DOCK3: variants seen among roughly 807,000 people sequenced by gnomAD.
The protein encoded by DOCK3 is dedicator of cytokinesis protein 3.
Under a neutral mutation model 265.6 loss-of-function variants are expected in DOCK3, and 60 were observed. The observed-to-expected ratio is 0.23, with a 90% CI of 0.18 to 0.28. DOCK3 has a LOEUF of 0.28. DOCK3 is among the 10% of genes least tolerant of loss of function. The pLI is 1.00. For synonymous variants in DOCK3, 881 were observed against 938.0 expected (o/e 0.94, Z 1.11); for missense variants, 1,981 against 2,594.3 (o/e 0.76, Z 5.14).
chr3:51,140,989 C>T (rs1416059808), intron 9 of DOCK3, among the ~76,000 whole-genome samples: 1 of 151,700 alleles, frequency 6.6e-6, no homozygotes, highest in East Asian at 1.9e-4. Context: ...GGTACAAGTC[C>T]CTTATCTGTA....
chr3:51,378,102 T>A (rs1293732499), intron 51 of DOCK3, among the ~76,000 whole-genome samples: 2 of 152,146 alleles, frequency 1.3e-5, no homozygotes, highest in African/African-American at 4.8e-5. Context: ...TTTGGTGAAA[T>A]CCACCTGATG....
At chr3:50,937,489 C>A (rs900997702) in intron 5 of DOCK3, among the ~76,000 whole-genome samples, 9 of 151,896 alleles carry the variant, frequency 5.9e-5, no homozygotes, top group Non-Finnish European at 1.3e-4. Context: ...CCTGTCTCTA[C>A]TAAAAATACA....
chr3:51,310,714 A>G (rs2083022080), intron 28 of DOCK3, among the ~76,000 whole-genome samples: 1 of 152,212 alleles, frequency 6.6e-6, no homozygotes, highest in African/African-American at 2.4e-5. Context: ...ACCTGGCTGC[A>G]AGGCTCTGAC....
intron 31 of DOCK3, among the ~76,000 whole-genome samples, chr3:51,314,081 C>G (rs529704274): frequency 1.8e-4 from 27 of 152,194 alleles, no homozygotes; most frequent in Non-Finnish European, 3.2e-4. Context: ...ATTCATTGCA[C>G]AGACCCACAG....
chr3:50,792,698 G>A (rs1220903960), intron 2 of DOCK3, among the ~76,000 whole-genome samples: 4 of 152,134 alleles, frequency 2.6e-5, no homozygotes, highest in African/African-American at 9.7e-5. Flanking sequence ...TGATCATGTG[G>A]TTTTTGTTTC....
intron 27 of DOCK3, among the ~76,000 whole-genome samples, chr3:51,292,854 A>AT (rs60316410): frequency 0.072 from 10,986 of 151,836 alleles, 990 homozygotes; most frequent in East Asian, 0.32. Flanking sequence ...ATTTTTTTGT[A>AT]TTTTTTGGTA....
intron 1 of DOCK3, among the ~76,000 whole-genome samples, chr3:50,727,062 A>AAAAAAAC (rs2037877589): frequency 6.6e-6 from 1 of 152,206 alleles, no homozygotes; most frequent in African/African-American, 2.4e-5. Context: ...TAAAAAACAG[A>AAAAAAAC]GGAGGCACAG....
intron 2 of DOCK3, among the ~76,000 whole-genome samples, chr3:50,820,549 C>T (rs2044349885): frequency 6.6e-6 from 1 of 152,148 alleles, no homozygotes. Context: ...TTATATGTTT[C>T]ACATTTTCTT....
At chr3:50,848,872 C>T (rs1022076165) in intron 3 of DOCK3, among the ~76,000 whole-genome samples, 28 of 152,236 alleles carry the variant, frequency 1.8e-4, no homozygotes, top group African/African-American at 6.5e-4. Flanking sequence ...TTAATTATTT[C>T]CTCAAATGTG....
At chr3:50,903,968 A>G (rs1307773051) in intron 4 of DOCK3, among the ~76,000 whole-genome samples, 1 of 151,850 alleles carries the variant, frequency 6.6e-6, no homozygotes, top group East Asian at 1.9e-4. Flanking sequence ...CCTGTGTCCA[A>G]GTGTTCTCAT....
Position 51,096,240 on chromosome 3 carries a change from G to T in DOCK3, c.746+5856G>T, listed in dbSNP as rs1257076197. Among the ~76,000 whole-genome samples the T allele has an allele frequency of 6.6e-5, 10 of 152,206 alleles. 1 individual carries two copies. In the South Asian group the frequency reaches 2.1e-3, roughly 32 times the overall value. On this transcript the variant is annotated intron_variant, in intron 9 of 52. Transcript: ENST00000266037. The stretch of plus-strand genomic sequence containing the variant: ...ATCCTGAAGAGTGTTTTCCAACTTG[G>T]TTCCATTCTCCCCGTCACTTTCAGG...
chr3:50,947,812 G>A (rs951259851), intron 5 of DOCK3, among the ~76,000 whole-genome samples: 1 of 151,182 alleles, frequency 6.6e-6, no homozygotes, highest in African/African-American at 2.4e-5. Flanking sequence ...GTATTGTTGT[G>A]TAGTGTCAAC....
intron 5 of DOCK3, among the ~76,000 whole-genome samples, chr3:50,968,675 G>A (rs1332405185): frequency 1.3e-5 from 2 of 151,464 alleles, no homozygotes; most frequent in South Asian, 2.1e-4. Flanking sequence ...TCAGCCTCCC[G>A]AGTAGTTGGG....
chr3:51,204,771 G>A (rs2089067515), intron 12 of DOCK3, among the ~76,000 whole-genome samples: 1 of 151,824 alleles, frequency 6.6e-6, no homozygotes, highest in Admixed American at 6.6e-5. Flanking sequence ...CAACCCAAAT[G>A]TACAACAATG....
chr3:51,081,008 T>G (rs904975517), intron 7 of DOCK3, among the ~76,000 whole-genome samples: 2 of 152,188 alleles, frequency 1.3e-5, no homozygotes, highest in South Asian at 4.1e-4. Flanking sequence ...GACTTGATTT[T>G]TATATTTCAT....
chr3:51,064,569 T>G lies in DOCK3; in HGVS notation c.437T>G (p.Ile146Ser), dbSNP rs896119506. Residue 146 changes from isoleucine (I) to serine (S), a missense_variant, in exon 6 of 53, where the codon ATC becomes AGC. Physicochemically the swap from Ile to Ser is moderately radical, Grantham distance 142. Transcript: ENST00000266037. The part of the protein sequence containing the change: ...QDQVREVKRH[I>S]TVRLDWGNEH... ...CAGGTGCGGGAGGTTAAGCGGCACA[T>G]CACCGTGCGCCTGGACTGGGGTAAT... The G allele has an allele frequency of 1.2e-6, 2 of 1,613,980 alleles. No homozygotes were observed. Among genetic ancestry groups the G allele is most frequent in the South Asian group, 2.2e-5 (2 of 91,084 alleles).
intron 9 of DOCK3, among the ~76,000 whole-genome samples, chr3:51,104,573 A>G (rs2083205343): frequency 6.6e-6 from 1 of 152,192 alleles, no homozygotes; most frequent in Non-Finnish European, 1.5e-5. Flanking sequence ...ATGGCTTTAT[A>G]TGAAAATGTT....
intron 1 of DOCK3, chr3:50,719,656 T>C: frequency 6.4e-7 from 1 of 1,569,034 alleles, no homozygotes; most frequent in Non-Finnish European, 8.7e-7. Context: ...TGGGAACCAT[T>C]TGTGTTGGGT....
chr3:50,913,748 G>A (rs751596983), intron 4 of DOCK3, among the ~76,000 whole-genome samples: 10 of 152,064 alleles, frequency 6.6e-5, no homozygotes, highest in Admixed American at 5.2e-4. Context: ...AATTCAGTGC[G>A]TTAGAATTGC....
Sources: allele counts gnomAD v4.1 joint callset (sites outside exome capture counted in the v4.1 genomes callset), GRCh38; gene constraint gnomAD v4.1.1; transcripts MANE v1.5; gene names NCBI Gene and HGNC (gene_info 2026-07-23, HGNC 2026-07-21).